The following IMMP2L variants were observed in gnomAD, a reference collection of about 807,000 sequenced individuals.
IMMP2L encodes the protein inner mitochondrial membrane peptidase subunit 2.
Under a neutral mutation model 19.3 loss-of-function variants are expected in IMMP2L, and 18 were observed. The observed-to-expected ratio is 0.93, with a 90% CI of 0.64 to 1.38. The LOEUF is 1.38. Among genes scored for constraint, IMMP2L ranks in the 40% most tolerant of loss-of-function variants. The probability of loss-of-function intolerance (pLI) is 0.00; values close to 1 mark genes in which losing one functional copy is unlikely to be tolerated. For missense variants in IMMP2L, 233 were observed against 218.2 expected, an observed-to-expected ratio of 1.07 and a Z score of -0.43; for synonymous variants, 76 against 73.0, an observed-to-expected ratio of 1.04 and a Z score of -0.21.
chr7:110,732,372 C>A (rs1796327634), intron 5 of IMMP2L, among the ~76,000 whole-genome samples: 1 of 152,088 alleles, frequency 6.6e-6, no homozygotes, highest in Admixed American at 6.5e-5. Flanking sequence ...AGGAAGAATA[C>A]AAAGACCTAA....
At chr7:111,436,522 T>TACACAC (rs563500068) in intron 3 of IMMP2L, among the ~76,000 whole-genome samples, 1 of 149,142 alleles carries the variant, frequency 6.7e-6, no homozygotes, top group Non-Finnish European at 1.5e-5. Flanking sequence ...CACACACACA[T>TACACAC]ACACACACAC....
chr7:110,679,227 T>C (rs1388727598), intron 5 of IMMP2L, among the ~76,000 whole-genome samples: 2 of 152,186 alleles, frequency 1.3e-5, no homozygotes, highest in African/African-American at 2.4e-5. Flanking sequence ...TTGATGTTTA[T>C]GCACCAGTCT....
intron 3 of IMMP2L, among the ~76,000 whole-genome samples, chr7:111,100,231 C>A (rs1041100490): frequency 2.0e-5 from 3 of 151,292 alleles, no homozygotes; most frequent in Non-Finnish European, 3.0e-5. Context: ...CACCCATCAC[C>A]CAAGCAGTGT....
At chr7:111,124,371 G>C in intron 3 of IMMP2L, 1 of 1,613,662 alleles carries the variant, frequency 6.2e-7, no homozygotes, top group East Asian at 2.2e-5. Context: ...GAGATATTCA[G>C]GCCAATTCAG....
intron 1 of IMMP2L, among the ~76,000 whole-genome samples, chr7:111,559,457 A>T (rs887139513): frequency 9.9e-5 from 15 of 152,120 alleles, no homozygotes; most frequent in East Asian, 3.9e-4. Context: ...GGCTTTTTAA[A>T]CACATTATAG....
At chr7:110,960,691 TCTAGTTTAGAATGTA>T (rs1818841278) in intron 4 of IMMP2L, among the ~76,000 whole-genome samples, 1 of 151,892 alleles carries the variant, frequency 6.6e-6, no homozygotes, top group African/African-American at 2.4e-5. Context: ...ACCAAGTTCT[TCTAGTTTAGAATGTA>T]CATTCTATAA....
chr7:110,944,765 C>G (rs545375192), intron 4 of IMMP2L, among the ~76,000 whole-genome samples: 2 of 151,838 alleles, frequency 1.3e-5, no homozygotes, highest in African/African-American at 4.8e-5. Context: ...TACTCATATA[C>G]AAGTGTATGG....
intron 3 of IMMP2L, among the ~76,000 whole-genome samples, chr7:111,128,844 G>A (rs1801573182): frequency 6.6e-6 from 1 of 152,084 alleles, no homozygotes; most frequent in African/African-American, 2.4e-5. Context: ...GGCATATTTA[G>A]TTACCATAAA....
intron 3 of IMMP2L, among the ~76,000 whole-genome samples, chr7:111,221,249 A>G (rs894406312): frequency 3.9e-5 from 6 of 152,062 alleles, no homozygotes; most frequent in Non-Finnish European, 7.4e-5. Flanking sequence ...AAAAAGATAT[A>G]TATCTATTCC....
intron 5 of IMMP2L, among the ~76,000 whole-genome samples, chr7:110,751,139 T>C (rs1797690971): frequency 6.6e-6 from 1 of 151,780 alleles, no homozygotes; most frequent in South Asian, 2.1e-4. Context: ...ATCCAGAATC[T>C]TTCCACTTCG....
chr7:111,429,893 G>A (rs1004602006), intron 3 of IMMP2L, among the ~76,000 whole-genome samples: 7 of 151,302 alleles, frequency 4.6e-5, no homozygotes, highest in African/African-American at 1.7e-4. Context: ...ATCAGAGATG[G>A]AAAAGGGCAA....
At chr7:111,521,611 T>TAA (rs1435627955) in intron 1 of IMMP2L, among the ~76,000 whole-genome samples, 162 bp from the exon 2 acceptor site, 2 of 152,260 alleles carry the variant, frequency 1.3e-5, no homozygotes, top group East Asian at 3.9e-4. Flanking sequence ...CTGACTTACT[T>TAA]AAAGTCCTAA....
chr7:111,199,190 T>G (rs1471469265), intron 3 of IMMP2L, among the ~76,000 whole-genome samples: 1 of 152,172 alleles, frequency 6.6e-6, no homozygotes, highest in Non-Finnish European at 1.5e-5. Context: ...AAAACCTGCC[T>G]CATTTCCGAA....
chr7:111,107,223 T>C (rs1798649227), intron 3 of IMMP2L, among the ~76,000 whole-genome samples: 1 of 151,924 alleles, frequency 6.6e-6, no homozygotes, highest in Admixed American at 6.6e-5. Context: ...CCTCTCCCAT[T>C]TTTACTTTCT....
intron 3 of IMMP2L, among the ~76,000 whole-genome samples, chr7:111,070,188 AAAAG>A (rs1794834359): frequency 6.6e-6 from 1 of 152,236 alleles, no homozygotes; most frequent in Admixed American, 6.5e-5. Context: ...TTGAATAATG[AAAAG>A]AAAGTTATAA....
chr7:111,483,023 G>C lies in IMMP2L; in HGVS notation c.239+4215C>G, dbSNP rs182216064. 5.1e-4 allele frequency among the ~76,000 whole-genome samples: 77 copies of C among 152,160 alleles called. 1 individual carries two copies. The highest frequency in any genetic ancestry group is 1.0e-3 in the Admixed American group (16 of 15,282). On this transcript the variant is annotated intron_variant, in intron 3 of 5. Coordinates refer to ENST00000405709, the MANE Select transcript of IMMP2L (RefSeq NM_032549.4). ...TTGGCCCAAAAAAAGGACATTAGTG[G>C]GAAAACAGGTGAAATCTGAATAAGG... is the stretch of plus-strand genomic sequence containing the variant.
intron 5 of IMMP2L, among the ~76,000 whole-genome samples, chr7:110,738,551 C>T (rs1367280950): frequency 6.6e-6 from 1 of 152,204 alleles, no homozygotes; most frequent in East Asian, 1.9e-4. Context: ...ATGAACAAAG[C>T]ATCCAAGAAG....
chr7:111,255,239 T>G (rs1371084090), intron 3 of IMMP2L, among the ~76,000 whole-genome samples: 2 of 152,122 alleles, frequency 1.3e-5, no homozygotes, highest in African/African-American at 4.8e-5. Context: ...TAAAGAAAAC[T>G]AACAAACTTG....
At chr7:110,903,287 T>G (rs1812097230) in intron 4 of IMMP2L, among the ~76,000 whole-genome samples, 1 of 152,196 alleles carries the variant, frequency 6.6e-6, no homozygotes, top group Non-Finnish European at 1.5e-5. Flanking sequence ...TCTCAACAGA[T>G]TTTTAAGTGT....
Sources: allele counts gnomAD v4.1 joint callset (sites outside exome capture counted in the v4.1 genomes callset), GRCh38; gene constraint gnomAD v4.1.1; transcripts MANE v1.5; gene names NCBI Gene and HGNC (gene_info 2026-07-23, HGNC 2026-07-21).